The following LRMDA variants were observed in gnomAD, a reference collection of about 807,000 sequenced individuals.
LRMDA encodes the protein leucine rich melanocyte differentiation associated.
A neutral mutation model predicts 29.8 loss-of-function variants in LRMDA; 18 were observed. That is an observed-to-expected ratio of 0.60 (90% confidence interval 0.42 to 0.90). The LOEUF is 0.90. Among genes scored for constraint, LRMDA ranks in the 40% least tolerant of loss-of-function variants. LRMDA has a pLI of 0.00. For missense variants in LRMDA, 273 were observed against 273.9 expected (o/e 1.00, Z 0.02); for synonymous variants, 125 against 109.4 (o/e 1.14, Z -0.89).
chr10:75,831,657 C>T (rs1844347915), intron 2 of LRMDA, among the ~76,000 whole-genome samples: 1 of 152,196 alleles, frequency 6.6e-6, no homozygotes, highest in South Asian at 2.1e-4. Flanking sequence ...TCCCACATTT[C>T]CTGGCCACAT....
chr10:75,749,672 CG>C (rs1842930309), intron 2 of LRMDA, among the ~76,000 whole-genome samples: 1 of 145,184 alleles, frequency 6.9e-6, no homozygotes, highest in African/African-American at 2.6e-5. Flanking sequence ...GGGTGTTTCT[CG>C]GAGAGGGGGA....
At chr10:76,329,203 A>G (rs147003669) in intron 6 of LRMDA, among the ~76,000 whole-genome samples, 1 of 152,322 alleles carries the variant, frequency 6.6e-6, no homozygotes, top group East Asian at 1.9e-4. Context: ...CGATTCTCCG[A>G]TGTAGTTTTC....
chr10:76,101,097 T>TA (rs1217358744), intron 5 of LRMDA, among the ~76,000 whole-genome samples: 1 of 152,238 alleles, frequency 6.6e-6, no homozygotes, highest in African/African-American at 2.4e-5. Context: ...TCTTTTTTTT[T>TA]ATTGCATGAG....
chr10:76,012,543 A>C (rs965234263), intron 2 of LRMDA, among the ~76,000 whole-genome samples: 5 of 152,258 alleles, frequency 3.3e-5, no homozygotes, highest in African/African-American at 9.6e-5. Flanking sequence ...TATCCTTTAA[A>C]TACATAGTCC....
intron 2 of LRMDA, among the ~76,000 whole-genome samples, chr10:75,530,297 G>C (rs1845461893): frequency 6.6e-6 from 1 of 152,004 alleles, no homozygotes; most frequent in Admixed American, 6.6e-5. Flanking sequence ...TGATTGATGA[G>C]AATGATGGAT....
At chr10:76,029,107 G>T (rs1456198627) in intron 2 of LRMDA, among the ~76,000 whole-genome samples, 1 of 152,108 alleles carries the variant, frequency 6.6e-6, no homozygotes, top group Non-Finnish European at 1.5e-5. Context: ...GAGCCATCAT[G>T]CCTGGCCAAC....
chr10:75,888,905 G>A (rs1482703142), intron 2 of LRMDA, among the ~76,000 whole-genome samples: 2 of 152,186 alleles, frequency 1.3e-5, no homozygotes, highest in Non-Finnish European at 2.9e-5. Flanking sequence ...GTAGGTATTA[G>A]GATAAAAATG....
chr10:75,805,160 G>GT (rs1430405779), intron 2 of LRMDA, among the ~76,000 whole-genome samples: 25 of 152,198 alleles, frequency 1.6e-4, no homozygotes, highest in African/African-American at 5.5e-4. Flanking sequence ...AAGTGATCTA[G>GT]CCTCCATAGA....
chr10:76,179,157 T>C (rs1168573589), intron 5 of LRMDA, among the ~76,000 whole-genome samples: 1 of 152,118 alleles, frequency 6.6e-6, no homozygotes, highest in African/African-American at 2.4e-5. Context: ...TGTTCACTGT[T>C]GTAGAATGGA....
At chr10:75,925,008 C>T (rs74373807) in intron 2 of LRMDA, among the ~76,000 whole-genome samples, 2,397 of 152,194 alleles carry the variant, frequency 0.016, 33 homozygotes, top group Non-Finnish European at 0.026. Flanking sequence ...TTGCCTTGGC[C>T]GATTTCTGGC....
chr10:75,845,359 C>G (rs565247453), intron 2 of LRMDA, among the ~76,000 whole-genome samples: 1 of 152,220 alleles, frequency 6.6e-6, no homozygotes, highest in Admixed American at 6.5e-5. Flanking sequence ...TATATTATAC[C>G]AGACATATCA....
At chr10:75,995,067 A>G (rs1023779485) in intron 2 of LRMDA, among the ~76,000 whole-genome samples, 11 of 152,038 alleles carry the variant, frequency 7.2e-5, no homozygotes, top group African/African-American at 2.4e-4. Context: ...TTTGGGTGTA[A>G]ACTTTTCTTG....
chr10:76,065,458 G>C (rs1163005461), intron 5 of LRMDA, among the ~76,000 whole-genome samples: 1 of 152,248 alleles, frequency 6.6e-6, no homozygotes, highest in Non-Finnish European at 1.5e-5. Flanking sequence ...CATGAAGCCA[G>C]TGCCTGGGGG....
chr10:75,506,705 G>A (rs1414828128), intron 2 of LRMDA, among the ~76,000 whole-genome samples: 1 of 152,176 alleles, frequency 6.6e-6, no homozygotes, highest in Non-Finnish European at 1.5e-5. Context: ...TTGGTCCCTT[G>A]GCCGGTGCCC....
intron 5 of LRMDA, among the ~76,000 whole-genome samples, chr10:76,174,890 C>A (rs892892009): frequency 8.2e-6 from 1 of 121,656 alleles, no homozygotes; most frequent in African/African-American, 4.3e-5. Flanking sequence ...TAGGCCGAGG[C>A]AGGGGGGATT....
chr10:76,391,247 TC>T (rs1841720861), intron 6 of LRMDA, among the ~76,000 whole-genome samples: 1 of 152,148 alleles, frequency 6.6e-6, no homozygotes, highest in South Asian at 2.1e-4. Context: ...AGGTGGTTGT[TC>T]ACTCCCTCCT....
intron 2 of LRMDA, among the ~76,000 whole-genome samples, chr10:75,746,513 G>T (rs1842892656): frequency 6.6e-6 from 1 of 152,304 alleles, no homozygotes; most frequent in African/African-American, 2.4e-5. Context: ...AGCTTCTGCT[G>T]CCTTGTAGCG....
At chr10:75,840,520 G>T (rs1453406257) in intron 2 of LRMDA, among the ~76,000 whole-genome samples, 1 of 152,202 alleles carries the variant, frequency 6.6e-6, no homozygotes, top group Admixed American at 6.5e-5. Flanking sequence ...TTTAGTGCCA[G>T]ATATGTTGGG....
In LRMDA at chr10:75,630,550, A is replaced by G. The variant is rs545215074; in HGVS notation, c.131+192056A>G. Among the ~76,000 whole-genome samples, 8 of 152,318 alleles carry G rather than the reference A, an allele frequency of 5.3e-5. 1 individual carries two copies. The South Asian group carries it at 1.7e-3, about 32-fold the overall frequency. On this transcript the variant is annotated intron_variant, in intron 2 of 6. Coordinates refer to ENST00000611255, the MANE Select transcript of LRMDA (RefSeq NM_001305581.2). ...TTAGAGTCCCAAGAAGAAATCTTCT[A>G]TGAGGCTCTCACAGGCTTAATCTCC...
Sources: allele counts gnomAD v4.1 joint callset (sites outside exome capture counted in the v4.1 genomes callset), GRCh38; gene constraint gnomAD v4.1.1; transcripts MANE v1.5; gene names NCBI Gene and HGNC (gene_info 2026-07-23, HGNC 2026-07-21).